The following DRC5 variants were observed in gnomAD, a reference collection of about 807,000 sequenced individuals.
The protein encoded by DRC5 is dynein regulatory complex subunit 5.
chr6:44,290,756 T>C, the DRC5 span, among the ~76,000 whole-genome samples: 1 of 152,222 alleles, frequency 6.6e-6, no homozygotes, highest in African/African-American at 2.4e-5. Flanking sequence ...AGGTTGCTGG[T>C]GTGCATTGCC....
chr6:44,296,907 G>A, the DRC5 span, among the ~76,000 whole-genome samples: 8 of 152,254 alleles, frequency 5.3e-5, no homozygotes, highest in Non-Finnish European at 4.4e-5. Flanking sequence ...ACTTGTGGAA[G>A]GGCAAAAAAC....
chr6:44,292,469 C>T, the DRC5 span, among the ~76,000 whole-genome samples: 3 of 152,306 alleles, frequency 2.0e-5, no homozygotes, highest in African/African-American at 7.2e-5. Context: ...ACCCGTTCCC[C>T]ACACCCACAC....
the DRC5 span, chr6:44,286,177 C>T: frequency 2.5e-6 from 4 of 1,612,382 alleles, no homozygotes; most frequent in Non-Finnish European, 2.5e-6. Context: ...CTGAGTCGGA[C>T]TGGTCGCCCG....
At chr6:44,297,664 C>T in the DRC5 span, 2 of 152,148 alleles carry the variant, frequency 1.3e-5, no homozygotes, top group African/African-American at 4.8e-5. Context: ...CTCACCCGCT[C>T]CGGGAGCCCC....
the DRC5 span, chr6:44,286,214 G>C: frequency 6.2e-7 from 1 of 1,611,736 alleles, no homozygotes; most frequent in Non-Finnish European, 8.5e-7. Context: ...GAGCTGCACC[G>C]GCGGAAGGAA....
At chr6:44,282,410 G>T in the DRC5 span, 1 of 1,614,052 alleles carries the variant, frequency 6.2e-7, no homozygotes, top group East Asian at 2.2e-5. Context: ...GGCGGCTGTG[G>T]CTCAGCAGCT....
chr6:44,295,240 T>C, the DRC5 span, among the ~76,000 whole-genome samples: 1 of 152,082 alleles, frequency 6.6e-6, no homozygotes. Flanking sequence ...AGTGGGTACG[T>C]CTTGTGCCAC....
chr6:44,285,878 G>T, the DRC5 span: 1 of 1,241,068 alleles, frequency 8.1e-7, no homozygotes, highest in Non-Finnish European at 1.1e-6. Flanking sequence ...ATAGGAAGAA[G>T]GCAATAATAG....
At chr6:44,281,061 G>T in the DRC5 span, among the ~76,000 whole-genome samples, 1 of 152,190 alleles carries the variant, frequency 6.6e-6, no homozygotes, top group Non-Finnish European at 1.5e-5. Flanking sequence ...GTGTGTGTGC[G>T]TGTATGTGCC....
chr6:44,294,373 TAC>T, the DRC5 span, among the ~76,000 whole-genome samples: 345 of 152,316 alleles, frequency 2.3e-3, 1 homozygote, highest in Non-Finnish European at 4.1e-3. Context: ...TACACATGAC[TAC>T]ATATAAGATA....
chr6:44,285,023 G>A, the DRC5 span, among the ~76,000 whole-genome samples: 1 of 152,182 alleles, frequency 6.6e-6, no homozygotes, highest in African/African-American at 2.4e-5. Context: ...CAGCAAGGCT[G>A]ACCACCTCAC....
chr6:44,291,080 G>C, the DRC5 span, among the ~76,000 whole-genome samples: 1 of 152,190 alleles, frequency 6.6e-6, no homozygotes, highest in African/African-American at 2.4e-5. Flanking sequence ...AGAAGGAAGG[G>C]GCAGGGCCTC....
chr6:44,281,203 G>A, the DRC5 span, among the ~76,000 whole-genome samples: 1 of 152,296 alleles, frequency 6.6e-6, no homozygotes, highest in East Asian at 1.9e-4. Flanking sequence ...CAATGTGAAA[G>A]AATTTCACGT....
At chr6:44,296,941 G>GCCAGTTCACTTAGCACAGCCCCTGGACT in the DRC5 span, among the ~76,000 whole-genome samples, 1 of 150,338 alleles carries the variant, frequency 6.7e-6, no homozygotes, top group African/African-American at 2.5e-5. Context: ...GCCTCGGCCC[G>GCCAGTTCACTTAGCACAGCCCCTGGACT]TGTGCTTGGA....
the DRC5 span, among the ~76,000 whole-genome samples, chr6:44,281,171 G>T: frequency 6.6e-6 from 1 of 152,160 alleles, no homozygotes; most frequent in East Asian, 1.9e-4. Context: ...TCCAACCCCT[G>T]CTGGGCTGGG....
chr6:44,280,821 C>T, the DRC5 span, among the ~76,000 whole-genome samples: 175 of 152,332 alleles, frequency 1.1e-3, no homozygotes, highest in African/African-American at 3.9e-3. Context: ...TGGCAGCCAT[C>T]TTGGGACTGA....
At chr6:44,286,002 AGAGG>A in the DRC5 span, 1 of 1,613,986 alleles carries the variant, frequency 6.2e-7, no homozygotes, top group Non-Finnish European at 8.5e-7. Context: ...GCTGCCAAGG[AGAGG>A]CAGTCACGGT....
chr6:44,280,491 C>T, the DRC5 span: 1 of 824,644 alleles, frequency 1.2e-6, no homozygotes, highest in Non-Finnish European at 1.9e-6. Context: ...ACAAAAGTTT[C>T]ACAAAACAAT....
chr6:44,293,884 A>G, the DRC5 span, among the ~76,000 whole-genome samples: 1 of 152,250 alleles, frequency 6.6e-6, no homozygotes, highest in Non-Finnish European at 1.5e-5. Flanking sequence ...GCCTATATCC[A>G]TATGTTAACC....
Sources: gnomAD v4.1 joint callset for allele counts (sites outside exome capture counted in the v4.1 genomes callset) on GRCh38, gnomAD v4.1.1 for gene constraint, MANE v1.5 for transcripts, NCBI Gene and HGNC (gene_info 2026-07-23, HGNC 2026-07-21) for gene names.